COPG2: variants seen among roughly 807,000 people sequenced by gnomAD.
COPG2 encodes coat protein complex I subunit gamma 2.
A neutral mutation model predicts 46.3 loss-of-function variants in COPG2; 37 were observed. The observed-to-expected ratio is 0.80, with a 90% CI of 0.61 to 1.05. The LOEUF (loss-of-function observed/expected upper bound fraction) is 1.05. COPG2 is among the 50% of genes least tolerant of loss of function. The pLI is 0.00. For synonymous variants in COPG2, 159 were observed against 129.7 expected (o/e 1.23, Z -1.53); for missense variants, 427 against 387.8 (o/e 1.10, Z -0.85).
At chr7:130,608,729 G>A (rs994326409) in intron 9 of COPG2, among the ~76,000 whole-genome samples, 4 of 151,806 alleles carry the variant, frequency 2.6e-5, no homozygotes, top group East Asian at 1.9e-4. Flanking sequence ...AAAAAAAGGC[G>A]ACTTTCAAGC....
chr7:130,648,973 T>C (rs1795676928), intron 5 of COPG2, among the ~76,000 whole-genome samples: 1 of 152,166 alleles, frequency 6.6e-6, no homozygotes, highest in Non-Finnish European at 1.5e-5. Context: ...TTTCACTTCA[T>C]CCTCTCTCTC....
chr7:130,521,199 G>A (rs1799720319), intron 20 of COPG2, among the ~76,000 whole-genome samples: 2 of 152,148 alleles, frequency 1.3e-5, no homozygotes, highest in African/African-American at 2.4e-5. Context: ...TTCTTCAAGG[G>A]AGAAAGAAAG....
chr7:130,590,003 A>T (rs1464245710), intron 9 of COPG2, among the ~76,000 whole-genome samples: 2 of 152,162 alleles, frequency 1.3e-5, no homozygotes, highest in Non-Finnish European at 2.9e-5. Flanking sequence ...AAAAGACGTT[A>T]AATTTTTGTT....
At chr7:130,563,703 G>A (rs1235724150) in intron 10 of COPG2, among the ~76,000 whole-genome samples, 2 of 137,696 alleles carry the variant, frequency 1.5e-5, no homozygotes, top group Non-Finnish European at 1.5e-5. Context: ...GCAGTGAGCC[G>A]AGCTATCGTG....
intron 3 of COPG2, among the ~76,000 whole-genome samples, chr7:130,666,098 G>T (rs1796074455): frequency 6.6e-6 from 1 of 152,060 alleles, no homozygotes; most frequent in Non-Finnish European, 1.5e-5. Context: ...TCTGTAACAG[G>T]TATTATCATA....
At chr7:130,547,148 C>T (rs1793458028) in intron 20 of COPG2, 1 of 152,212 alleles carries the variant, frequency 6.6e-6, no homozygotes, top group Admixed American at 6.5e-5. Flanking sequence ...GAATTAAAAG[C>T]CCTTCTTAAT....
intron 20 of COPG2, among the ~76,000 whole-genome samples, chr7:130,512,322 A>C (rs1467346474): frequency 6.6e-6 from 1 of 151,920 alleles, no homozygotes; most frequent in Admixed American, 6.6e-5. Flanking sequence ...AAAAAAAAAA[A>C]ACAAAAAACA....
In COPG2 at chr7:130,507,392, G is replaced by GAGAC; in HGVS notation, c.2387-24_2387-21dup. On this transcript the variant is annotated intron_variant, in intron 22 of 23. Coordinates refer to ENST00000425248, the MANE Select transcript of COPG2 (RefSeq NM_012133.6). ...CAGCCTCTGTGTTGAGAAGATGTAT[G>GAGAC]AGACAGTATTAGGAAAGTAAAGCAC... The GAGAC allele has an allele frequency of 1.3e-6, 1 of 780,486 alleles. No homozygotes were observed. 48.3% of individuals were successfully genotyped at this position (780,486 alleles called of 1,614,324 possible). A position where few individuals can be genotyped will look rare whatever the true frequency, so the allele number is the denominator to read the frequency against.
chr7:130,513,416 T>C (rs1345065528), intron 20 of COPG2, among the ~76,000 whole-genome samples: 9 of 138,198 alleles, frequency 6.5e-5, no homozygotes, highest in African/African-American at 2.4e-4. Flanking sequence ...CATATACATA[T>C]ATATGTATGG....
chr7:130,601,504 T>C (rs1477085402), intron 9 of COPG2, among the ~76,000 whole-genome samples: 3 of 152,198 alleles, frequency 2.0e-5, no homozygotes, highest in African/African-American at 7.2e-5. Context: ...TGAGTTCATG[T>C]CCTTTGCAGG....
chr7:130,666,116 T>C (rs1490854114), intron 3 of COPG2, among the ~76,000 whole-genome samples: 2 of 152,184 alleles, frequency 1.3e-5, no homozygotes, highest in Admixed American at 1.3e-4. Flanking sequence ...ATAATCCCCA[T>C]GTAGAGAAAA....
intron 5 of COPG2, among the ~76,000 whole-genome samples, chr7:130,638,577 C>G (rs185091251): frequency 4.6e-5 from 7 of 152,230 alleles, no homozygotes; most frequent in Admixed American, 2.0e-4. Flanking sequence ...CCCCTCCCCC[C>G]ACACCAAGCT....
Position 130,616,971 on chromosome 7 carries a change from A to C in COPG2, c.399+19T>G. Reference sequence around the variant, plus strand: ...AACATAGTGTTCCATTTGGTAACTCAGTGAAACAGATAACTTACATCGGTG... The same window carrying C: ...AACATAGTGTTCCATTTGGTAACTCCGTGAAACAGATAACTTACATCGGTG... On this transcript the variant is annotated intron_variant, in intron 6 of 23. Transcript: ENST00000425248. The C allele has an allele frequency of 6.4e-7, 1 of 1,554,666 alleles. No individual in the cohort carries two copies. The highest frequency in any genetic ancestry group is 1.1e-5 in the South Asian group (1 of 88,706).
At chr7:130,659,156 C>T (rs533843477) in intron 4 of COPG2, among the ~76,000 whole-genome samples, 16 of 151,908 alleles carry the variant, frequency 1.1e-4, no homozygotes, top group African/African-American at 3.6e-4. Flanking sequence ...CAGATCGAGA[C>T]CATCCTGGCT....
At chr7:130,570,587 A>T (rs989021824) in intron 9 of COPG2, among the ~76,000 whole-genome samples, 5 of 152,306 alleles carry the variant, frequency 3.3e-5, no homozygotes, top group African/African-American at 9.6e-5. Context: ...CTCATGGATG[A>T]GTAGAATCAA....
chr7:130,583,065 T>C (rs1267397392), intron 9 of COPG2, among the ~76,000 whole-genome samples: 3 of 151,128 alleles, frequency 2.0e-5, no homozygotes, highest in South Asian at 2.1e-4. Flanking sequence ...TATTGCAGCA[T>C]TATTCACAAT....
intron 8 of COPG2, 31 bp downstream of exon 8, chr7:130,612,121 G>A (rs1229622531): frequency 6.8e-7 from 1 of 1,475,858 alleles, no homozygotes; most frequent in Non-Finnish European, 9.4e-7. Flanking sequence ...TGCTGATCCT[G>A]AGACAAGCTA....
At position 130,667,522 on chromosome 7, in the gene COPG2, T is replaced by C. The variant is rs200749180; in HGVS notation, c.50A>G (p.Asn17Ser). The C allele has an allele frequency of 9.2e-5, 148 of 1,613,520 alleles. No individual in the cohort carries two copies. The African/African-American group carries it at 1.0e-3, about 11-fold the overall frequency. The change falls in exon 2 of 24, where the codon AAT becomes AGT. Residue 17 changes from asparagine to serine, a missense_variant. Asn to Ser is a conservative substitution (Grantham distance 46, BLOSUM62 1). Coordinates refer to ENST00000425248, the MANE Select transcript of COPG2 (RefSeq NM_012133.6). ...ACTCTTCTCCAGATGCTGGAAAGGA[T>C]TGGAGCCACTACCTATTTATAAAAC... ...KKDEESGSGS[N>S]PFQHLEKSAV...
intron 5 of COPG2, among the ~76,000 whole-genome samples, chr7:130,648,010 G>C (rs1023218870): frequency 2.6e-5 from 4 of 152,072 alleles, no homozygotes; most frequent in Non-Finnish European, 5.9e-5. Context: ...GATTACACGC[G>C]TGAGCCACCG....
Sources: allele counts gnomAD v4.1 joint callset (sites outside exome capture counted in the v4.1 genomes callset), GRCh38; gene constraint gnomAD v4.1.1; transcripts MANE v1.5; gene names NCBI Gene and HGNC (gene_info 2026-07-23, HGNC 2026-07-21).